Variants in FAM13A observed in about 807,000 individuals in gnomAD.
FAM13A encodes family with sequence similarity 13 member A, also known as protein FAM13A.
Under a neutral mutation model 129.6 loss-of-function variants are expected in FAM13A, and 76 were observed. That is an observed-to-expected ratio of 0.59 (90% CI 0.49 to 0.71). FAM13A has a LOEUF of 0.71. FAM13A is among the 30% of genes least tolerant of loss of function. The pLI, the probability that FAM13A is intolerant of heterozygous loss-of-function variation, is 0.00. For missense variants in FAM13A, 1,108 were observed against 1,249.3 expected (o/e 0.89, Z 1.70); for synonymous variants, 443 against 449.9 (o/e 0.98, Z 0.20).
At chr4:88,864,399 T>C (rs986606367) in intron 6 of FAM13A, among the ~76,000 whole-genome samples, 1 of 152,168 alleles carries the variant, frequency 6.6e-6, no homozygotes, top group Non-Finnish European at 1.5e-5. Context: ...TTTCATTGTG[T>C]TTGTGATCTT....
intron 3 of FAM13A, among the ~76,000 whole-genome samples, chr4:89,015,806 A>G (rs1349663028): frequency 1.3e-5 from 2 of 152,152 alleles, no homozygotes; most frequent in Non-Finnish European, 2.9e-5. Flanking sequence ...ACTCAGATAC[A>G]CATATACATA....
chr4:88,861,723 A>ACCTCTAGT (rs1033602061), intron 6 of FAM13A, among the ~76,000 whole-genome samples: 14 of 152,216 alleles, frequency 9.2e-5, no homozygotes, highest in African/African-American at 3.4e-4. Context: ...ATGGACTCCT[A>ACCTCTAGT]CCTCTAGTAA....
intron 10 of FAM13A, among the ~76,000 whole-genome samples, chr4:88,781,667 A>T (rs1722886142): frequency 1.3e-5 from 2 of 152,144 alleles, no homozygotes; most frequent in South Asian, 4.1e-4. Context: ...ATTTCCTATT[A>T]TTCACAGTAG....
intron 5 of FAM13A, among the ~76,000 whole-genome samples, chr4:88,913,234 AGAG>A (rs1181107166): frequency 9.6e-6 from 1 of 103,986 alleles, no homozygotes. Context: ...AAGAGGAAGA[AGAG>A]GAGGAGGAGG....
At chr4:89,014,600 T>A (rs909816684) in intron 3 of FAM13A, among the ~76,000 whole-genome samples, 3 of 152,202 alleles carry the variant, frequency 2.0e-5, no homozygotes, top group Non-Finnish European at 4.4e-5. Context: ...TTATTAGTTC[T>A]CCAAATTAAT....
At chr4:88,957,494 T>C (rs1199045162) in intron 4 of FAM13A, among the ~76,000 whole-genome samples, 1 of 152,210 alleles carries the variant, frequency 6.6e-6, no homozygotes, top group Non-Finnish European at 1.5e-5. Context: ...CTTTTCTTCA[T>C]AAATTACCGA....
At chr4:89,041,827 C>A (rs1560925217) in intron 1 of FAM13A, among the ~76,000 whole-genome samples, 1 of 151,518 alleles carries the variant, frequency 6.6e-6, no homozygotes, top group Non-Finnish European at 1.5e-5. Flanking sequence ...GGCTGAGGCA[C>A]AAGAATTGCT....
intron 1 of FAM13A, among the ~76,000 whole-genome samples, chr4:89,042,923 C>T (rs1770349929): frequency 6.6e-6 from 1 of 152,028 alleles, no homozygotes; most frequent in Admixed American, 6.6e-5. Context: ...GTTCAAGAAC[C>T]TATTAAAGAC....
intron 5 of FAM13A, among the ~76,000 whole-genome samples, chr4:88,929,391 T>C (rs2125409): frequency 0.17 from 26,064 of 152,052 alleles, 2,391 homozygotes; most frequent in Non-Finnish European, 0.21. Context: ...TGCAACGTAT[T>C]TTCCTGGAGA....
intron 1 of FAM13A, among the ~76,000 whole-genome samples, chr4:89,053,342 G>A (rs1009927299): frequency 1.3e-5 from 2 of 152,152 alleles, no homozygotes; most frequent in African/African-American, 4.8e-5. Context: ...ACATTTGAAC[G>A]TTAAATAACA....
In FAM13A at chr4:88,787,799, G is replaced by T; in HGVS notation, c.1225C>A (p.Arg409Ser). The change falls in exon 10 of 24, where the codon CGC (arginine) becomes AGC (serine). Residue 409 changes from arginine (R) to serine (S), a missense_variant. Arg to Ser is a moderately radical substitution (Grantham distance 110). Transcript: ENST00000264344. ...TCATCCTGCTCCTTGGACTGGCGGC[G>T]GCGCTGTCTGGCAGATGTGGCAGAA... Reference protein sequence around the residue: ...ASSATSARQRRRQSKEQDEVR... With the variant: ...ASSATSARQRSRQSKEQDEVR... 1 of 1,613,570 alleles carries T rather than the reference G, an allele frequency of 6.2e-7. No homozygotes were observed. Among genetic ancestry groups the T allele is most frequent in the Admixed American group, 1.7e-5 (1 of 59,972 alleles).
rs369246680 is a variant in FAM13A, at chr4:88,954,800, C to T, written c.606-16559G>A. On this transcript the variant is annotated intron_variant, in intron 4 of 23. Transcript: ENST00000264344. ...ACTCAGGAGGCTGAGGCAGGAGAAC[C>T]GCTTGAACCCAGGAGGCAGAGGTTG... Among the ~76,000 whole-genome samples the T allele has an allele frequency of 2.4e-4, 37 of 151,652 alleles. No homozygotes were observed. The East Asian group carries it at 3.3e-3, about 14-fold the overall frequency.
intron 5 of FAM13A, among the ~76,000 whole-genome samples, chr4:88,929,003 T>A (rs780952695): frequency 1.3e-5 from 2 of 152,196 alleles, no homozygotes; most frequent in African/African-American, 4.8e-5. Context: ...TTTCCAGGTG[T>A]TTTCATGATG....
At chr4:88,785,936 GAGA>G (rs975971026) in intron 10 of FAM13A, among the ~76,000 whole-genome samples, 2 of 152,262 alleles carry the variant, frequency 1.3e-5, no homozygotes, top group Admixed American at 6.5e-5. Flanking sequence ...GGAATAGCAA[GAGA>G]AGAACAATTA....
intron 5 of FAM13A, among the ~76,000 whole-genome samples, chr4:88,922,196 C>A (rs1359404583): frequency 1.3e-5 from 2 of 151,986 alleles, no homozygotes; most frequent in Non-Finnish European, 2.9e-5. Context: ...CTGCACCAAG[C>A]GGACCTAATA....
At chr4:88,794,285 T>C (rs551098079) in intron 8 of FAM13A, among the ~76,000 whole-genome samples, 113 of 152,072 alleles carry the variant, frequency 7.4e-4, no homozygotes, top group Admixed American at 2.0e-3. Flanking sequence ...TTAGTGATGA[T>C]GCAACTGAAT....
At chr4:88,872,384 G>C (rs1178009185) in intron 6 of FAM13A, among the ~76,000 whole-genome samples, 7 of 152,174 alleles carry the variant, frequency 4.6e-5, no homozygotes, top group African/African-American at 1.4e-4. Context: ...GCTGTATTCA[G>C]TAGACCCATC....
chr4:88,995,094 A>G (rs1763373755), intron 3 of FAM13A, among the ~76,000 whole-genome samples: 1 of 151,652 alleles, frequency 6.6e-6, no homozygotes, highest in Non-Finnish European at 1.5e-5. Flanking sequence ...TATTTGTTGC[A>G]CACACACACC....
chr4:88,917,954 T>C (rs752298310), intron 5 of FAM13A, among the ~76,000 whole-genome samples: 4 of 152,154 alleles, frequency 2.6e-5, no homozygotes, highest in Non-Finnish European at 5.9e-5. Flanking sequence ...AAACTGAGAA[T>C]AGCTAAAGCC....
Sources: allele counts gnomAD v4.1 joint callset (sites outside exome capture counted in the v4.1 genomes callset), GRCh38; gene constraint gnomAD v4.1.1; transcripts MANE v1.5; gene names NCBI Gene and HGNC (gene_info 2026-07-23, HGNC 2026-07-21).